The following SLC9D1 variants were observed in gnomAD, a reference collection of about 807,000 sequenced individuals.
SLC9D1 encodes the protein solute carrier family 9 member D1.
At chr13:113,520,698 G>A in the SLC9D1 span, 11,900 of 1,613,810 alleles carry the variant, frequency 7.4e-3, 61 homozygotes, top group Non-Finnish European at 9.1e-3. Context: ...CCGTCATGCC[G>A]ACTCTCATAC....
At chr13:113,523,838 T>A in the SLC9D1 span, among the ~76,000 whole-genome samples, 56 of 152,246 alleles carry the variant, frequency 3.7e-4, no homozygotes, top group Non-Finnish European at 4.4e-5. Context: ...TTTTGTTCAA[T>A]GAGTTTTAAA....
chr13:113,532,671 T>C, the SLC9D1 span, among the ~76,000 whole-genome samples: 2 of 152,034 alleles, frequency 1.3e-5, no homozygotes, highest in African/African-American at 4.8e-5. Context: ...AGGCCTGGTC[T>C]GCTTGGCCGT....
At chr13:113,514,948 C>G in the SLC9D1 span, among the ~76,000 whole-genome samples, 1 of 152,192 alleles carries the variant, frequency 6.6e-6, no homozygotes, top group East Asian at 1.9e-4. Context: ...TGAACCCTGG[C>G]CTCGAGCAGT....
chr13:113,536,247 G>A, the SLC9D1 span, among the ~76,000 whole-genome samples: 3 of 151,832 alleles, frequency 2.0e-5, no homozygotes, highest in Non-Finnish European at 2.9e-5. Flanking sequence ...GCATGGTGGC[G>A]CCTGCCTGCA....
chr13:113,510,509 G>GA, the SLC9D1 span: 1 of 1,341,366 alleles, frequency 7.5e-7, no homozygotes, highest in Non-Finnish European at 1.0e-6. Flanking sequence ...GGCATGTGAG[G>GA]AAAAATTGCA....
chr13:113,517,408 T>A, the SLC9D1 span, among the ~76,000 whole-genome samples: 1 of 152,118 alleles, frequency 6.6e-6, no homozygotes, highest in Non-Finnish European at 1.5e-5. Flanking sequence ...AATTCTATTT[T>A]TAGTAGAGAC....
chr13:113,515,325 A>C, the SLC9D1 span, among the ~76,000 whole-genome samples: 1 of 152,216 alleles, frequency 6.6e-6, no homozygotes, highest in East Asian at 1.9e-4. Context: ...GGAAAGATAG[A>C]AGATGTGGAA....
the SLC9D1 span, chr13:113,520,778 C>T: frequency 1.4e-6 from 2 of 1,391,444 alleles, no homozygotes; most frequent in African/African-American, 1.4e-5. Context: ...TTTAAAATCA[C>T]TTGTGCATAA....
the SLC9D1 span, chr13:113,530,034 T>C: frequency 1.3e-5 from 2 of 152,274 alleles, no homozygotes; most frequent in Non-Finnish European, 2.9e-5. Flanking sequence ...AGGAATATTA[T>C]TCAGCCATAA....
the SLC9D1 span, chr13:113,511,611 T>G: frequency 1.3e-5 from 2 of 152,354 alleles, no homozygotes; most frequent in African/African-American, 4.8e-5. Context: ...GCCATGGGCC[T>G]CCTCCGTGCT....
the SLC9D1 span, among the ~76,000 whole-genome samples, chr13:113,500,971 T>A: frequency 6.6e-6 from 1 of 152,180 alleles, no homozygotes; most frequent in African/African-American, 2.4e-5. Context: ...TAATGAATAA[T>A]CAATTTCCAG....
the SLC9D1 span, chr13:113,520,532 T>C: frequency 3.5e-6 from 3 of 868,724 alleles, no homozygotes; most frequent in Non-Finnish European, 5.3e-6. Flanking sequence ...TGAGTTATTT[T>C]GGAAGTGTGT....
chr13:113,500,231 C>A, the SLC9D1 span: 1 of 846,416 alleles, frequency 1.2e-6, no homozygotes. Context: ...ATCTTCTGAA[C>A]AAGGCACAGC....
the SLC9D1 span, chr13:113,547,201 T>A: frequency 1.1e-6 from 1 of 898,732 alleles, no homozygotes; most frequent in Non-Finnish European, 1.8e-6. Flanking sequence ...GGATTTTAAT[T>A]CCTGTATTGA....
chr13:113,543,092 C>CA, the SLC9D1 span, among the ~76,000 whole-genome samples: 46 of 82,864 alleles, frequency 5.6e-4, 3 homozygotes, highest in African/African-American at 1.1e-3. Context: ...TGTCTGTGAC[C>CA]CCCACCTCCT....
At chr13:113,497,897 G>A in the SLC9D1 span, among the ~76,000 whole-genome samples, 3 of 152,160 alleles carry the variant, frequency 2.0e-5, no homozygotes, top group Admixed American at 2.0e-4. Flanking sequence ...GATTAATGCT[G>A]TTGGTTTCTA....
At chr13:113,496,748 A>G in the SLC9D1 span, among the ~76,000 whole-genome samples, 1 of 152,196 alleles carries the variant, frequency 6.6e-6, no homozygotes, top group Non-Finnish European at 1.5e-5. Flanking sequence ...ACCAAAATAT[A>G]TTTTGGGGGA....
chr13:113,528,380 T>C, the SLC9D1 span: 2 of 151,728 alleles, frequency 1.3e-5, no homozygotes, highest in Non-Finnish European at 2.9e-5. Flanking sequence ...GGCGGTGGGG[T>C]GGAAGAATTT....
chr13:113,514,061 C>G, the SLC9D1 span, among the ~76,000 whole-genome samples: 1 of 152,066 alleles, frequency 6.6e-6, no homozygotes. Context: ...GACTTTAGAA[C>G]TACGAGAAGG....
Sources: allele counts gnomAD v4.1 joint callset (sites outside exome capture counted in the v4.1 genomes callset), GRCh38; gene constraint gnomAD v4.1.1; transcripts MANE v1.5; gene names NCBI Gene and HGNC (gene_info 2026-07-23, HGNC 2026-07-21).